The following STK38 variants were observed in gnomAD, a reference collection of about 807,000 sequenced individuals.
The protein encoded by STK38 is serine/threonine-protein kinase 38.
A neutral mutation model predicts 59.0 loss-of-function variants in STK38; 26 were observed. The ratio of observed to expected loss-of-function variants is 0.44; its 90% confidence interval spans 0.32 to 0.61. STK38 has a LOEUF of 0.61. Ranked by LOEUF, STK38 falls within the 20% of genes least tolerant of loss-of-function variation. STK38 has a pLI of 0.04. For synonymous variants in STK38, 175 were observed against 176.6 expected (o/e 0.99, Z 0.07); for missense variants, 433 against 566.0 (o/e 0.76, Z 2.38).
intron 2 of STK38, among the ~76,000 whole-genome samples, chr6:36,537,817 T>C (rs774473250): frequency 2.1e-4 from 32 of 152,014 alleles, no homozygotes; most frequent in Admixed American, 9.2e-4. Context: ...GAGGATCGCT[T>C]GAGCCTGGGA....
In STK38 at chr6:36,500,309, T is replaced by TTA. The variant is rs539675068; in HGVS notation, c.835-321_835-320dup. On this transcript the variant is annotated intron_variant, in intron 9 of 13. Transcript: ENST00000229812. ...ACTTAATATATATATTACATGAGTTTTATATATATATATAACTTCATATAC... is the reference window on the plus strand; with the variant it reads ...ACTTAATATATATATTACATGAGTTTTATATATATATATATAACTTCATATAC... Among the ~76,000 whole-genome samples, 40 of 151,422 alleles carry TTA rather than the reference T, an allele frequency of 2.6e-4. 1 individual carries two copies. Among genetic ancestry groups the TTA allele is most frequent in the Non-Finnish European group, 3.5e-4 (24 of 67,686 alleles).
intron 13 of STK38, 62 bp from the exon 14 acceptor site, chr6:36,495,976 T>G: frequency 6.3e-7 from 1 of 1,595,786 alleles, no homozygotes; most frequent in Non-Finnish European, 8.6e-7. Context: ...CTGCTCACGG[T>G]GCTGAAGACA....
At chr6:36,502,786 G>A (rs1408680218) in intron 9 of STK38, among the ~76,000 whole-genome samples, 3 of 151,992 alleles carry the variant, frequency 2.0e-5, no homozygotes, top group Non-Finnish European at 2.9e-5. Flanking sequence ...TCACTCCTCT[G>A]CTTTTAAAAA....
At chr6:36,523,331 C>T (rs960871504) in intron 4 of STK38, among the ~76,000 whole-genome samples, 7 of 144,562 alleles carry the variant, frequency 4.8e-5, no homozygotes, top group Admixed American at 2.9e-4. Context: ...GGTGCAATCT[C>T]GGCTCACTGC....
chr6:36,502,557 A>AT (rs1228744665), intron 9 of STK38, among the ~76,000 whole-genome samples: 2 of 151,968 alleles, frequency 1.3e-5, no homozygotes, highest in South Asian at 4.2e-4. Flanking sequence ...TTTTATTGTG[A>AT]TTTTTTTAAT....
At chr6:36,499,476 G>T (rs963150689) in intron 10 of STK38, among the ~76,000 whole-genome samples, 5 of 152,144 alleles carry the variant, frequency 3.3e-5, no homozygotes, top group Admixed American at 1.3e-4. Flanking sequence ...TACAATAAGA[G>T]GGAGAGAGGC....
At chr6:36,537,311 A>G (rs1777816977) in intron 2 of STK38, among the ~76,000 whole-genome samples, 1 of 152,216 alleles carries the variant, frequency 6.6e-6, no homozygotes, top group South Asian at 2.1e-4. Flanking sequence ...TATATTAATA[A>G]TATTTTGGAA....
At chr6:36,517,298 G>C (rs1257906818) in intron 6 of STK38, among the ~76,000 whole-genome samples, 1 of 151,906 alleles carries the variant, frequency 6.6e-6, no homozygotes, top group Non-Finnish European at 1.5e-5. Flanking sequence ...ACTAATATGG[G>C]TAACAAAAAA....
At chr6:36,537,644 T>G (rs1234199786) in intron 2 of STK38, among the ~76,000 whole-genome samples, 2 of 152,146 alleles carry the variant, frequency 1.3e-5, no homozygotes, top group Non-Finnish European at 2.9e-5. Flanking sequence ...ACACCTGTAA[T>G]CCTAGCACTT....
In STK38 at chr6:36,498,446, ATATG is replaced by A; in HGVS notation, c.989_992del (p.Thr330IlefsTer4). ...TTTCTTTCCAGTTCATCACCTTCTT[ATATG>A]TCTCTTGAGGGGTCTCAGAACAGAA... On this transcript the variant is annotated frameshift_variant, in exon 11 of 14. Coordinates refer to ENST00000229812, the MANE Select transcript of STK38 (RefSeq NM_007271.4). LOFTEE classifies it high-confidence loss of function. 6.2e-7 allele frequency: 1 copy of A among 1,613,960 alleles called. No individual in the cohort carries two copies. The highest frequency in any genetic ancestry group is 8.5e-7 in the Non-Finnish European group (1 of 1,179,960).
Position 36,495,426 on chromosome 6 carries a change from TCG to T in STK38, c.*356_*357del. Reference sequence around the variant, plus strand: ...CAAAATTACAGGAACTGGCTGATATTCGATGACTATACACGACAATCTCAATA... The same window carrying T: ...CAAAATTACAGGAACTGGCTGATATTATGACTATACACGACAATCTCAATA... On this transcript the variant is annotated 3_prime_UTR_variant, in exon 14 of 14. Coordinates refer to ENST00000229812, the MANE Select transcript of STK38 (RefSeq NM_007271.4). 5 of 191,246 alleles carry T rather than the reference TCG, an allele frequency of 2.6e-5. No individual in the cohort carries two copies. Among genetic ancestry groups the T allele is most frequent in the Admixed American group, 5.5e-5 (1 of 18,194 alleles). The allele number at this position is 191,246 out of a possible 1,614,324, so 11.8% of individuals were successfully genotyped here.
intron 5 of STK38, among the ~76,000 whole-genome samples, chr6:36,520,496 TA>T (rs1777352775): frequency 6.6e-6 from 1 of 152,218 alleles, no homozygotes; most frequent in Non-Finnish European, 1.5e-5. Context: ...GTTAAAACTG[TA>T]GGAAACATAC....
chr6:36,517,756 T>C lies in STK38; in HGVS notation c.475A>G (p.Lys159Glu). The C allele has an allele frequency of 6.2e-7, 1 of 1,614,108 alleles. No individual in the cohort carries two copies. The highest frequency in any genetic ancestry group is 1.7e-5 in the Admixed American group (1 of 60,022). Residue 159 changes from lysine to glutamate, a missense_variant, in exon 6 of 14, where the codon AAG (lysine) becomes GAG (glutamate). Lys to Glu is a moderately conservative substitution (Grantham distance 56, BLOSUM62 1). This residue lies in a region of STK38 where 293 missense variants were observed against 388.2 expected (regional missense o/e 0.75). Transcript: ENST00000229812. ...VVKMFYSFQD[K>E]LNLYLIMEFL... ...TCCATGATTAGGTAGAGGTTTAGCT[T>C]ATCCTGAAAACTATAGAACATTTTC...
chr6:36,541,951 C>T (rs1004276588), intron 1 of STK38, among the ~76,000 whole-genome samples: 3 of 151,760 alleles, frequency 2.0e-5, no homozygotes, highest in Non-Finnish European at 2.9e-5. Context: ...GTCTCAGCCT[C>T]CCAAGTAGTT....
chr6:36,524,560 G>T, intron 3 of STK38, 97 bp from the exon 4 acceptor site: 2 of 1,277,708 alleles, frequency 1.6e-6, no homozygotes, highest in Non-Finnish European at 2.1e-6. Flanking sequence ...TAGAAAACAG[G>T]TCCAAGTGGA....
chr6:36,542,713 G>A (rs1403096975), intron 1 of STK38, among the ~76,000 whole-genome samples: 1 of 152,092 alleles, frequency 6.6e-6, no homozygotes, highest in Non-Finnish European at 1.5e-5. Flanking sequence ...GGGAGGCCAA[G>A]GCAGGCGAAT....
At chr6:36,543,324 C>CA (rs1187325238) in intron 1 of STK38, among the ~76,000 whole-genome samples, 5 of 152,140 alleles carry the variant, frequency 3.3e-5, no homozygotes, top group Non-Finnish European at 7.3e-5. Flanking sequence ...CTCAGCCTCC[C>CA]AAAGTGCTGG....
At chr6:36,545,579 A>T (rs1482910468) in intron 1 of STK38, among the ~76,000 whole-genome samples, 1 of 152,140 alleles carries the variant, frequency 6.6e-6, no homozygotes, top group Non-Finnish European at 1.5e-5. Flanking sequence ...TAATATAAAA[A>T]ATTTAGCCTA....
chr6:36,515,332 C>CA lies in STK38; in HGVS notation c.669+5dup. On this transcript the variant is annotated splice_donor_region_variant and intron_variant, in intron 7 of 13. Coordinates refer to ENST00000229812, the MANE Select transcript of STK38 (RefSeq NM_007271.4). Reference sequence around the variant, plus strand: ...TGCATAGTTCATGCCAATGCCCCCCCAATACCTTGCTGTCCAAAAGAAGGT... The same window carrying CA: ...TGCATAGTTCATGCCAATGCCCCCCCAAATACCTTGCTGTCCAAAAGAAGGT... 6.2e-7 allele frequency: 1 copy of CA among 1,613,658 alleles called. No individual in the cohort carries two copies. Among genetic ancestry groups the CA allele is most frequent in the Non-Finnish European group, 8.5e-7 (1 of 1,179,816 alleles).
Sources: gnomAD v4.1 joint callset for allele counts (sites outside exome capture counted in the v4.1 genomes callset) on GRCh38, gnomAD v4.1.1 for gene constraint, gnomAD v4.1.1 regional missense constraint, MANE v1.5 for transcripts, NCBI Gene and HGNC (gene_info 2026-07-23, HGNC 2026-07-21) for gene names.